The following DPY19L3 variants were observed in gnomAD, a reference collection of about 807,000 sequenced individuals.
DPY19L3 encodes the protein protein C-mannosyl-transferase DPY19L3.
A neutral mutation model predicts 92.3 loss-of-function variants in DPY19L3; 51 were observed. The observed-to-expected ratio is 0.55, with a 90% CI of 0.44 to 0.70. The LOEUF (loss-of-function observed/expected upper bound fraction) is 0.70, where lower values mean the gene tolerates loss of function less well. DPY19L3 is among the 30% of genes least tolerant of loss of function. The pLI is 0.00. For missense variants in DPY19L3, 706 were observed against 855.9 expected (o/e 0.82, Z 2.18); for synonymous variants, 309 against 315.2 (o/e 0.98, Z 0.21).
chr19:32,479,479 C>G, intron 17 of DPY19L3: 1 of 291,960 alleles, frequency 3.4e-6, no homozygotes, highest in Non-Finnish European at 6.8e-6. Flanking sequence ...CCTTGGAATG[C>G]CTTCAGCCTG....
At chr19:32,468,170 C>G in intron 15 of DPY19L3, 1 of 920,888 alleles carries the variant, frequency 1.1e-6, no homozygotes, top group Non-Finnish European at 1.3e-6. Context: ...CTCTGAGCCT[C>G]AGTTTCCACA....
At chr19:32,440,314 T>C (rs1402781134) in intron 8 of DPY19L3, among the ~76,000 whole-genome samples, 2 of 152,228 alleles carry the variant, frequency 1.3e-5, no homozygotes, top group Non-Finnish European at 2.9e-5. Context: ...ATTTAACTAA[T>C]ATGGGATGTG....
chr19:32,468,226 G>A (rs753747672), intron 15 of DPY19L3: 46 of 930,304 alleles, frequency 4.9e-5, no homozygotes, highest in Middle Eastern at 5.5e-4. Flanking sequence ...TGCCTGTTGC[G>A]TCATCCATGT....
chr19:32,477,636 G>T lies in DPY19L3; in HGVS notation c.1812G>T (p.Leu604=), dbSNP rs755896120. ...ACCCGCACTATGAAGACAGCAGCCT[G>T]AGAGAGCGGACCAGAGCGGTGAGGC... The part of the protein sequence containing the change: ...TNHPHYEDSS[L]RERTRAVYQI... Residue 604 remains leucine, a synonymous_variant, in exon 17 of 19, where the codon CTG becomes CTT. Coordinates refer to ENST00000392250, the MANE Select transcript of DPY19L3 (RefSeq NM_001172774.2). The T allele has an allele frequency of 6.2e-7, 1 of 1,614,024 alleles. No individual in the cohort carries two copies. The highest frequency in any genetic ancestry group is 1.3e-5 in the African/African-American group (1 of 74,908).
intron 4 of DPY19L3, among the ~76,000 whole-genome samples, chr19:32,434,150 C>T (rs1969060115): frequency 6.6e-6 from 1 of 152,040 alleles, no homozygotes; most frequent in African/African-American, 2.4e-5. Flanking sequence ...TACTTATAAC[C>T]CTAAAATCAG....
At chr19:32,430,204 C>T (rs1490135949) in intron 3 of DPY19L3, among the ~76,000 whole-genome samples, 4 of 152,090 alleles carry the variant, frequency 2.6e-5, no homozygotes, top group Non-Finnish European at 4.4e-5. Context: ...GCCTGGGCAA[C>T]ATGGCAAAAC....
At chr19:32,406,888 G>T (rs901519049) in intron 1 of DPY19L3, among the ~76,000 whole-genome samples, 2 of 152,112 alleles carry the variant, frequency 1.3e-5, no homozygotes, top group African/African-American at 4.8e-5. Flanking sequence ...GGTCACATGG[G>T]GGATAAGCCC....
At chr19:32,439,040 T>A in intron 6 of DPY19L3, 72 bp from the exon 7 acceptor site, 1 of 1,521,032 alleles carries the variant, frequency 6.6e-7, no homozygotes, top group Admixed American at 1.9e-5. Flanking sequence ...AATATATCTT[T>A]CGTTGAGGAA....
intron 3 of DPY19L3, chr19:32,412,630 T>C (rs1968228568): frequency 6.6e-6 from 1 of 152,236 alleles, no homozygotes; most frequent in Non-Finnish European, 1.5e-5. Flanking sequence ...GGAACTGTAA[T>C]TTTAATCAGA....
chr19:32,422,629 A>ACACACACAC (rs140226412), intron 3 of DPY19L3, among the ~76,000 whole-genome samples: 12 of 146,722 alleles, frequency 8.2e-5, no homozygotes, highest in African/African-American at 2.8e-4. Context: ...AATCAGGAAA[A>ACACACACAC]ACACACACAC....
At chr19:32,473,474 T>C (rs1970414296) in intron 16 of DPY19L3, among the ~76,000 whole-genome samples, 1 of 152,218 alleles carries the variant, frequency 6.6e-6, no homozygotes, top group Non-Finnish European at 1.5e-5. Context: ...CAGCATTATG[T>C]CCATCACTGT....
At chr19:32,412,035 C>G (rs950698333) in intron 3 of DPY19L3, 2 of 152,184 alleles carry the variant, frequency 1.3e-5, no homozygotes, top group Non-Finnish European at 2.9e-5. Flanking sequence ...CACCACCTCA[C>G]CAAGCTAAAT....
At chr19:32,451,076 T>C (rs1018780381) in intron 8 of DPY19L3, among the ~76,000 whole-genome samples, 1 of 152,198 alleles carries the variant, frequency 6.6e-6, no homozygotes. Flanking sequence ...TTAGGAATTC[T>C]GAGAATCAGA....
Position 32,425,538 on chromosome 19 carries a change from G to A in DPY19L3, c.238-7178G>A, listed in dbSNP as rs199657950. On this transcript the variant is annotated intron_variant, in intron 3 of 18. Transcript: ENST00000392250. ...TGTGCTCCATCGTGGGTAACAGAGC[G>A]AGACTCTGTCTCAAAAAAAAAAAAG... 5.6e-4 allele frequency among the ~76,000 whole-genome samples: 85 copies of A among 150,886 alleles called. 1 individual carries two copies. The East Asian group carries it at 0.011, about 19-fold the overall frequency.
At chr19:32,423,592 A>T (rs1968654208) in intron 3 of DPY19L3, among the ~76,000 whole-genome samples, 1 of 151,824 alleles carries the variant, frequency 6.6e-6, no homozygotes, top group Non-Finnish European at 1.5e-5. Context: ...AAAAACCACA[A>T]TTACTTTTGC....
intron 16 of DPY19L3, among the ~76,000 whole-genome samples, chr19:32,476,237 C>T (rs1014068070): frequency 1.3e-5 from 2 of 152,092 alleles, no homozygotes; most frequent in African/African-American, 4.8e-5. Context: ...AGCACCAGAG[C>T]TAGTTGCGTG....
intron 15 of DPY19L3, 42 bp downstream of exon 15, chr19:32,464,826 C>G (rs1467022269): frequency 7.6e-7 from 1 of 1,322,206 alleles, no homozygotes; most frequent in Admixed American, 2.3e-5. Flanking sequence ...ATGTATTTAG[C>G]AGAATAATTG....
intron 12 of DPY19L3, among the ~76,000 whole-genome samples, chr19:32,459,670 A>G (rs1568351811): frequency 6.6e-6 from 1 of 152,192 alleles, no homozygotes; most frequent in East Asian, 1.9e-4. Flanking sequence ...CAGGAAGTTC[A>G]GTGGGCCTGC....
At chr19:32,417,478 G>A (rs563647669) in intron 3 of DPY19L3, among the ~76,000 whole-genome samples, 2 of 152,246 alleles carry the variant, frequency 1.3e-5, no homozygotes, top group Non-Finnish European at 2.9e-5. Context: ...GTGCCACCAC[G>A]CCTGGCTAAT....
Sources: allele counts gnomAD v4.1 joint callset (sites outside exome capture counted in the v4.1 genomes callset), GRCh38; gene constraint gnomAD v4.1.1; transcripts MANE v1.5; gene names NCBI Gene and HGNC (gene_info 2026-07-23, HGNC 2026-07-21).